The following CLCA4 variants were observed in gnomAD, a reference collection of about 807,000 sequenced individuals.
CLCA4 encodes chloride channel accessory 4, also known as calcium-activated chloride channel regulator 4.
Under a neutral mutation model 78.9 loss-of-function variants are expected in CLCA4, and 69 were observed. The observed-to-expected ratio is 0.87, with a 90% CI of 0.72 to 1.07. The LOEUF is 1.07. Among genes scored for constraint, CLCA4 ranks in the 50% least tolerant of loss-of-function variants. CLCA4 has a pLI of 0.00. For synonymous variants in CLCA4, 362 were observed against 375.8 expected (o/e 0.96, Z 0.42); for missense variants, 1,133 against 1,095.8 (o/e 1.03, Z -0.48).
intron 11 of CLCA4, 65 bp from the exon 12 acceptor site, chr1:86,577,837 T>C (rs886247515): frequency 2.6e-5 from 36 of 1,387,200 alleles, no homozygotes; most frequent in African/African-American, 2.2e-4. Context: ...TAGAGGCCAA[T>C]TGCTTGTCTT....
chr1:86,553,828 C>T (rs1476538675), intron 1 of CLCA4, among the ~76,000 whole-genome samples: 1 of 151,730 alleles, frequency 6.6e-6, no homozygotes, highest in Admixed American at 6.6e-5. Context: ...TCCAGCTACT[C>T]GAGAGGTCGA....
chr1:86,567,723 C>A, intron 7 of CLCA4, 72 bp downstream of exon 7: 2 of 1,180,028 alleles, frequency 1.7e-6, no homozygotes, highest in Non-Finnish European at 2.4e-6. Flanking sequence ...AGTGGTACTG[C>A]ACATGCTTGC....
At chr1:86,578,875 C>T (rs1650612424) in intron 12 of CLCA4, among the ~76,000 whole-genome samples, 1 of 152,006 alleles carries the variant, frequency 6.6e-6, no homozygotes, top group African/African-American at 2.4e-5. Context: ...ATTAAGAATG[C>T]ATTCTTTGCT....
rs200098508 is a variant in CLCA4 at position 86,574,691 on chromosome 1, T to C, written c.1619T>C (p.Met540Thr). The C allele has an allele frequency of 5.8e-5, 93 of 1,613,294 alleles. No individual in the cohort carries two copies. In the African/African-American group the frequency reaches 1.0e-3, roughly 18 times the overall value. Residue 540 changes from methionine to threonine, a missense_variant, in exon 10 of 14, where the codon ATG (methionine) becomes ACG (threonine). Transcript: ENST00000370563. The stretch of plus-strand genomic sequence containing the variant: ...CTCTGGGATCCCAGTGGAACAATAA[T>C]GGAAAATTTCACAGTGGATGCAACT... Reference protein sequence around the residue: ...ISLWDPSGTIMENFTVDATSK... With the variant: ...ISLWDPSGTITENFTVDATSK...
intron 1 of CLCA4, 44 bp from the exon 2 acceptor site, chr1:86,559,888 A>G (rs776780811): frequency 1.3e-6 from 2 of 1,511,228 alleles, no homozygotes; most frequent in East Asian, 2.3e-5. Context: ...AATTTAGTTC[A>G]CTCTAACTTC....
intron 3 of CLCA4, among the ~76,000 whole-genome samples, chr1:86,561,099 C>A (rs1570324715): frequency 1.3e-5 from 2 of 152,318 alleles, no homozygotes; most frequent in East Asian, 3.9e-4. Context: ...CTTGTCTCTG[C>A]CAAACATTCA....
chr1:86,550,591 AG>A (rs1209495357), intron 1 of CLCA4, among the ~76,000 whole-genome samples: 3 of 151,742 alleles, frequency 2.0e-5, no homozygotes, highest in Admixed American at 1.3e-4. Flanking sequence ...AGAAAAAACT[AG>A]GGGTCCGAAA....
At chr1:86,566,187 A>G (rs1650185717) in intron 6 of CLCA4, among the ~76,000 whole-genome samples, 167 bp downstream of exon 6, 1 of 152,058 alleles carries the variant, frequency 6.6e-6, no homozygotes, top group African/African-American at 2.4e-5. Flanking sequence ...ATAGTAAAAG[A>G]AAGATGCCAG....
At chr1:86,550,016 C>A (rs1357730478) in intron 1 of CLCA4, among the ~76,000 whole-genome samples, 1 of 152,102 alleles carries the variant, frequency 6.6e-6, no homozygotes, top group African/African-American at 2.4e-5. Flanking sequence ...GGTGTAGCCA[C>A]GTAAATTATT....
rs760360793 is a variant in CLCA4 at position 86,565,342 on chromosome 1, C to T, written c.626C>T (p.Ala209Val). The change falls in exon 5 of 14, where the codon GCA becomes GTA. Residue 209 changes from alanine to valine, a missense_variant. By Grantham distance (64) the Ala-to-Val change is moderately conservative. Coordinates refer to ENST00000370563, the MANE Select transcript of CLCA4 (RefSeq NM_012128.4). Reference sequence around the variant, plus strand: ...CAAGGAGGCAGCTGTCTTAGTAGAGCATGCAGAATTGATTCTACAACAAAA... The same window carrying T: ...CAAGGAGGCAGCTGTCTTAGTAGAGTATGCAGAATTGATTCTACAACAAAA... The part of the protein sequence containing the change: ...KCQGGSCLSR[A>V]CRIDSTTKLY... 1.6e-5 allele frequency: 26 copies of T among 1,608,554 alleles called. No individual in the cohort carries two copies. The African/African-American group carries it at 3.2e-4, about 20-fold the overall frequency.
rs747061428 is a variant in CLCA4 at position 86,575,365 on chromosome 1, G to A, written c.1717G>A (p.Ala573Thr). Residue 573 changes from alanine (A) to threonine (T), a missense_variant, in exon 11 of 14, where the codon GCG becomes ACG. Physicochemically the swap from Ala to Thr is moderately conservative, Grantham distance 58. Transcript: ENST00000370563. ...TTGGGCATACAATCTTCAAGCCAAA[G>A]CGAACCCAGAAACATTAACTATTAC... ...GTWAYNLQAKANPETLTITVT... is the reference protein window; with the variant it reads ...GTWAYNLQAKTNPETLTITVT... 2 of 1,613,252 alleles carry A rather than the reference G, an allele frequency of 1.2e-6. No homozygotes were observed. The highest frequency in any genetic ancestry group is 1.1e-5 in the South Asian group (1 of 91,048).
intron 3 of CLCA4, among the ~76,000 whole-genome samples, chr1:86,561,832 TAGAC>T (rs756107025): frequency 4.3e-4 from 65 of 152,280 alleles, no homozygotes; most frequent in Middle Eastern, 6.8e-3. Context: ...CCCTTCTTCT[TAGAC>T]AGATCTTTCT....
intron 9 of CLCA4, 71 bp downstream of exon 9, chr1:86,572,791 G>C: frequency 1.1e-6 from 1 of 873,832 alleles, no homozygotes; most frequent in Non-Finnish European, 2.0e-6. Context: ...GTGGTTATAA[G>C]TTTTGAGTTC....
In CLCA4 at chr1:86,579,452, G is replaced by A. The variant is rs1346070358; in HGVS notation, c.2221G>A (p.Val741Ile). Residue 741 changes from valine to isoleucine, a missense_variant, in exon 13 of 14, where the codon GTA becomes ATA. Transcript: ENST00000370563. ...AACAGCATCCGGAGGTGCATTTGTG[G>A]TATCACAAGTCCCAAGCCTTCCCTT... is the stretch of plus-strand genomic sequence containing the variant. ...SRTASGGAFV[V>I]SQVPSLPLPD... The A allele has an allele frequency of 6.2e-7, 1 of 1,613,296 alleles. No individual in the cohort carries two copies. The highest frequency in any genetic ancestry group is 2.2e-5 in the East Asian group (1 of 44,836).
At chr1:86,548,391 G>A (rs1427081728) in intron 1 of CLCA4, among the ~76,000 whole-genome samples, 3 of 152,032 alleles carry the variant, frequency 2.0e-5, no homozygotes, top group Admixed American at 6.6e-5. Context: ...CCCAAGAATT[G>A]GGATGTCAGC....
Position 86,567,433 on chromosome 1 carries a change from C to T in CLCA4, c.964C>T (p.Arg322Cys), listed in dbSNP as rs201747732. ...DKSGSMGGKD[R>C]LNRMNQAAKH... ...TGTCTTTTTAATCTAGGGTAAGGAC[C>T]GCCTAAATCGAATGAATCAAGCAGC... Residue 322 changes from arginine (R) to cysteine (C), a missense_variant, in exon 7 of 14, where the codon CGC (arginine) becomes TGC (cysteine). Transcript: ENST00000370563. 249 of 1,609,352 alleles carry T rather than the reference C, an allele frequency of 1.5e-4. 1 individual carries two copies. Among genetic ancestry groups the T allele is most frequent in the Non-Finnish European group, 2.0e-4 (240 of 1,177,338 alleles).
chr1:86,559,633 C>T (rs951837467), intron 1 of CLCA4, among the ~76,000 whole-genome samples: 6 of 152,116 alleles, frequency 3.9e-5, no homozygotes, highest in African/African-American at 9.7e-5. Context: ...ATTAGAATCA[C>T]GTAAATGACT....
In CLCA4 at chr1:86,560,210, G is replaced by A. The variant is rs1294628861; in HGVS notation, c.301-1G>A. ...TTGACAATCTTTTTCAACATTCTCA[G>A]GCTGATGTTATAGTTGCACCACCTA... On this transcript the variant is annotated splice_acceptor_variant, in intron 2 of 13. Transcript: ENST00000370563. LOFTEE classifies it high-confidence loss of function. 2 of 1,601,124 alleles carry A rather than the reference G, an allele frequency of 1.2e-6. No homozygotes were observed. Among genetic ancestry groups the A allele is most frequent in the Non-Finnish European group, 1.7e-6 (2 of 1,175,684 alleles).
intron 8 of CLCA4, among the ~76,000 whole-genome samples, chr1:86,571,705 C>T (rs1422948388): frequency 2.0e-5 from 3 of 151,890 alleles, no homozygotes. Context: ...ATGGTGAAAA[C>T]CCCATGAGAC....
Sources: gnomAD v4.1 joint callset for allele counts (sites outside exome capture counted in the v4.1 genomes callset) on GRCh38, gnomAD v4.1.1 for gene constraint, MANE v1.5 for transcripts, NCBI Gene and HGNC (gene_info 2026-07-23, HGNC 2026-07-21) for gene names.